The following DIP2C variants were observed in gnomAD, a reference collection of about 807,000 sequenced individuals.
DIP2C encodes the protein disco-interacting protein 2 homolog C.
DIP2C carries 33 observed loss-of-function variants against 192.4 expected under a neutral mutation model. That is an observed-to-expected ratio of 0.17 (90% CI 0.13 to 0.23). DIP2C has a LOEUF of 0.23. Ranked by LOEUF, DIP2C falls within the 10% of genes least tolerant of loss-of-function variation. The pLI, the probability that DIP2C is intolerant of heterozygous loss-of-function variation, is 1.00. For synonymous variants in DIP2C, 979 were observed against 864.1 expected, an observed-to-expected ratio of 1.13 and a Z score of -2.33; for missense variants, 1,537 against 2,110.1, an observed-to-expected ratio of 0.73 and a Z score of 5.32.
At chr10:669,206 C>T (rs180780092) in intron 1 of DIP2C, 14 of 152,212 alleles carry the variant, frequency 9.2e-5, no homozygotes, top group African/African-American at 3.1e-4. Context: ...GGGTCTTGCT[C>T]CAAAGAAAAA....
intron 1 of DIP2C, among the ~76,000 whole-genome samples, chr10:585,584 G>A (rs1468369552): frequency 6.6e-6 from 1 of 152,150 alleles, no homozygotes; most frequent in South Asian, 2.1e-4. Context: ...ATGATCCTGG[G>A]TATAATTTAC....
intron 14 of DIP2C, among the ~76,000 whole-genome samples, chr10:387,501 G>A (rs1157335388): frequency 2.1e-5 from 3 of 141,346 alleles, no homozygotes; most frequent in African/African-American, 7.9e-5. Context: ...GGCGGCGGGG[G>A]GGCGACTCCT....
intron 1 of DIP2C, among the ~76,000 whole-genome samples, chr10:596,362 C>T (rs1228747562): frequency 2.6e-5 from 4 of 151,316 alleles, no homozygotes; most frequent in African/African-American, 4.9e-5. Flanking sequence ...ATTAGCCGGG[C>T]GCAGGTGCCT....
chr10:447,761 A>G (rs1190461479), intron 3 of DIP2C, among the ~76,000 whole-genome samples: 1 of 94,994 alleles, frequency 1.1e-5, no homozygotes, highest in Non-Finnish European at 1.9e-5. Flanking sequence ...AGCAGGACCC[A>G]CTCATCCCCG....
At chr10:545,225 G>A (rs943772230) in intron 1 of DIP2C, among the ~76,000 whole-genome samples, 8 of 136,346 alleles carry the variant, frequency 5.9e-5, no homozygotes, top group Non-Finnish European at 1.2e-4. Flanking sequence ...GGAGTGTAGT[G>A]GCATGACCTC....
chr10:670,370 G>A (rs889445717), intron 1 of DIP2C, among the ~76,000 whole-genome samples: 2 of 151,730 alleles, frequency 1.3e-5, no homozygotes, highest in African/African-American at 2.4e-5. Flanking sequence ...ATACACACAT[G>A]CACACACATG....
At chr10:505,657 C>T (rs1435314143) in intron 1 of DIP2C, among the ~76,000 whole-genome samples, 1 of 151,476 alleles carries the variant, frequency 6.6e-6, no homozygotes, top group African/African-American at 2.4e-5. Flanking sequence ...GGAGATGGAG[C>T]CACCTGCCCA....
At chr10:301,972 CTGCAAGTTTTCAAGTAG>C in intron 32 of DIP2C, among the ~76,000 whole-genome samples, 1 of 101,220 alleles carries the variant, frequency 9.9e-6, no homozygotes, top group East Asian at 3.4e-4. Flanking sequence ...TTCAAGTAGA[CTGCAAGTTTTCAAGTAG>C]ACTGCAAGTT....
At chr10:534,118 C>T (rs990667653) in intron 1 of DIP2C, among the ~76,000 whole-genome samples, 6 of 152,194 alleles carry the variant, frequency 3.9e-5, no homozygotes, top group Admixed American at 3.3e-4. Flanking sequence ...CAGCAGAGGC[C>T]GCCCCCTGAC....
At chr10:599,543 G>T (rs1372453901) in intron 1 of DIP2C, among the ~76,000 whole-genome samples, 1 of 152,160 alleles carries the variant, frequency 6.6e-6, no homozygotes, top group Non-Finnish European at 1.5e-5. Flanking sequence ...CTGTTCACTC[G>T]TGGGTCAGTG....
chr10:658,185 C>G (rs1356087729), intron 1 of DIP2C, among the ~76,000 whole-genome samples: 83 of 77,806 alleles, frequency 1.1e-3, no homozygotes, highest in Middle Eastern at 0.012. Context: ...CCCTGGACCT[C>G]ACACTGGACC....
chr10:296,570 T>C (rs1171092393), intron 32 of DIP2C, among the ~76,000 whole-genome samples: 3 of 152,094 alleles, frequency 2.0e-5, no homozygotes, highest in Non-Finnish European at 4.4e-5. Flanking sequence ...ATCATGCTGC[T>C]ATAAAGACAC....
At chr10:676,014 C>T (rs1179390909) in intron 1 of DIP2C, among the ~76,000 whole-genome samples, 2 of 152,086 alleles carry the variant, frequency 1.3e-5, no homozygotes, top group Non-Finnish European at 2.9e-5. Context: ...AAATCCTCAA[C>T]GAAATACTAA....
At chr10:626,156 C>T (rs1048326342) in intron 1 of DIP2C, among the ~76,000 whole-genome samples, 23 of 152,200 alleles carry the variant, frequency 1.5e-4, no homozygotes, top group Non-Finnish European at 2.6e-4. Context: ...TAACGAGTGC[C>T]GATGACATGC....
rs932849215 is a variant in DIP2C at position 408,991 on chromosome 10, C to A, written c.1084G>T (p.Val362Phe). The A allele has an allele frequency of 1.2e-6, 2 of 1,614,180 alleles. No homozygotes were observed. The highest frequency in any genetic ancestry group is 1.7e-6 in the Non-Finnish European group (2 of 1,180,020). ...YGKLWTRSMK[V>F]AYSILHKLGT... ...AATTTGTGTAGAATGCTGTAAGCGA[C>A]CTTCATACTTCTTGTCCACAGCTTG... Residue 362 changes from valine (V) to phenylalanine (F), a missense_variant, in exon 9 of 37, where the codon GTC becomes TTC. By Grantham distance (50) the Val-to-Phe change is conservative. Around this residue, in one of 4 missense-constraint regions of DIP2C, gnomAD observed 473 missense variants for 539.6 expected, o/e 0.88. Coordinates refer to ENST00000280886, the MANE Select transcript of DIP2C (RefSeq NM_014974.3).
intron 7 of DIP2C, among the ~76,000 whole-genome samples, chr10:414,890 G>GTGTA (rs1452383924): frequency 2.3e-3 from 83 of 36,122 alleles, no homozygotes; most frequent in Non-Finnish European, 3.0e-3. Flanking sequence ...GTGTGTGTGT[G>GTGTA]TATATATATA....
chr10:473,935 C>G (rs927545922), intron 2 of DIP2C, among the ~76,000 whole-genome samples: 1 of 152,076 alleles, frequency 6.6e-6, no homozygotes, highest in South Asian at 2.1e-4. Flanking sequence ...ATCAGGCTGG[C>G]GAATTCAGAA....
At chr10:600,157 T>C (rs904948089) in intron 1 of DIP2C, among the ~76,000 whole-genome samples, 8 of 152,076 alleles carry the variant, frequency 5.3e-5, no homozygotes, top group African/African-American at 1.9e-4. Flanking sequence ...CTAGAAGGAA[T>C]CGTGGAAATA....
intron 2 of DIP2C, among the ~76,000 whole-genome samples, chr10:476,471 G>A (rs933653145): frequency 6.6e-6 from 1 of 152,190 alleles, no homozygotes; most frequent in African/African-American, 2.4e-5. Flanking sequence ...CTAAGCATTT[G>A]ATGCGTCACT....
Sources: gnomAD v4.1 joint callset for allele counts (sites outside exome capture counted in the v4.1 genomes callset) on GRCh38, gnomAD v4.1.1 for gene constraint, gnomAD v4.1.1 regional missense constraint, MANE v1.5 for transcripts, NCBI Gene and HGNC (gene_info 2026-07-23, HGNC 2026-07-21) for gene names.